The following ACOXL variants were observed in gnomAD, a reference collection of about 807,000 sequenced individuals.
ACOXL encodes the protein acyl-coenzyme A oxidase-like protein.
In ACOXL, 70 loss-of-function variants were observed where a neutral mutation model predicts 71.9. The observed-to-expected ratio is 0.97, with a 90% CI of 0.80 to 1.19. ACOXL has a LOEUF of 1.19. Ranked by LOEUF, ACOXL falls within the 50% of genes most tolerant of loss-of-function variation. ACOXL has a pLI of 0.00. For synonymous variants in ACOXL, 253 were observed against 281.6 expected, an observed-to-expected ratio of 0.90 and a Z score of 1.02; for missense variants, 703 against 736.3, an observed-to-expected ratio of 0.95 and a Z score of 0.52.
At chr2:110,968,686 C>A in intron 12 of ACOXL, 2 of 1,165,422 alleles carry the variant, frequency 1.7e-6, no homozygotes, top group Non-Finnish European at 1.2e-6. Flanking sequence ...AGAAGGCAAG[C>A]TTCCTCAGAG....
intron 1 of ACOXL, among the ~76,000 whole-genome samples, chr2:110,757,396 A>G (rs1411659244): frequency 6.6e-6 from 1 of 152,170 alleles, no homozygotes; most frequent in Non-Finnish European, 1.5e-5. Context: ...AATGATTTAT[A>G]TTCCTTTGGG....
intron 10 of ACOXL, among the ~76,000 whole-genome samples, chr2:110,882,653 T>C (rs1052529243): frequency 2.7e-4 from 41 of 152,286 alleles, no homozygotes; most frequent in African/African-American, 9.6e-4. Context: ...AATTTTTGCA[T>C]ATAGTGTAAG....
chr2:110,821,062 G>A (rs532651014), intron 9 of ACOXL, among the ~76,000 whole-genome samples: 12 of 152,232 alleles, frequency 7.9e-5, no homozygotes, highest in East Asian at 1.9e-4. Context: ...TGGCAAGAAC[G>A]GCTGTTGTAC....
At chr2:111,007,761 T>C (rs2063944504) in intron 14 of ACOXL, among the ~76,000 whole-genome samples, 1 of 152,218 alleles carries the variant, frequency 6.6e-6, no homozygotes, top group African/African-American at 2.4e-5. Flanking sequence ...CTTCTAGGCC[T>C]ACCCAAAGCT....
At chr2:110,801,332 C>G (rs144494097) in intron 7 of ACOXL, among the ~76,000 whole-genome samples, 7 of 152,314 alleles carry the variant, frequency 4.6e-5, no homozygotes, top group African/African-American at 9.6e-5. Flanking sequence ...TAGAACTCTC[C>G]CTTTCTTAAT....
chr2:110,867,416 C>T (rs566693835), intron 10 of ACOXL, among the ~76,000 whole-genome samples: 1 of 152,188 alleles, frequency 6.6e-6, no homozygotes, highest in Non-Finnish European at 1.5e-5. Flanking sequence ...ATTCTGTGCA[C>T]ACTTTGGCAC....
intron 1 of ACOXL, among the ~76,000 whole-genome samples, chr2:110,760,391 G>T (rs149378666): frequency 6.6e-6 from 1 of 152,112 alleles, no homozygotes. Flanking sequence ...TGATCCGCCC[G>T]CCTCAGCCTC....
chr2:110,838,293 T>G (rs965394088), intron 9 of ACOXL, among the ~76,000 whole-genome samples: 1 of 152,122 alleles, frequency 6.6e-6, no homozygotes, highest in African/African-American at 2.4e-5. Context: ...TGCACACGTG[T>G]GAATGTGCAT....
At chr2:111,058,338 A>G (rs1382163246) in intron 16 of ACOXL, among the ~76,000 whole-genome samples, 1 of 152,192 alleles carries the variant, frequency 6.6e-6, no homozygotes, top group African/African-American at 2.4e-5. Context: ...GATCCAGACT[A>G]GCAGACATTA....
intron 12 of ACOXL, among the ~76,000 whole-genome samples, chr2:110,952,198 T>A (rs1396035155): frequency 1.3e-5 from 2 of 152,224 alleles, no homozygotes; most frequent in East Asian, 3.8e-4. Context: ...CTTGAGTCTG[T>A]TTTGCTAATT....
chr2:110,948,595 C>T (rs908316549), intron 12 of ACOXL, among the ~76,000 whole-genome samples: 2 of 150,470 alleles, frequency 1.3e-5, no homozygotes, highest in African/African-American at 4.9e-5. Flanking sequence ...CCTGCTTGTT[C>T]CATGTGGCTT....
At chr2:111,016,938 C>A (rs533943172) in intron 14 of ACOXL, among the ~76,000 whole-genome samples, 23 of 152,088 alleles carry the variant, frequency 1.5e-4, no homozygotes, top group African/African-American at 5.6e-4. Context: ...TGGAGTTGGG[C>A]AAATCAGCCA....
At chr2:110,946,689 A>G (rs1210927430) in intron 12 of ACOXL, among the ~76,000 whole-genome samples, 1 of 152,186 alleles carries the variant, frequency 6.6e-6, no homozygotes, top group Non-Finnish European at 1.5e-5. Flanking sequence ...GAATTTGGGT[A>G]AGTCCTCACT....
At chr2:110,839,549 A>G (rs1001191486) in intron 9 of ACOXL, among the ~76,000 whole-genome samples, 3 of 152,204 alleles carry the variant, frequency 2.0e-5, no homozygotes, top group African/African-American at 7.2e-5. Context: ...CTGATTTTAT[A>G]TATTTCATAC....
At chr2:110,754,097 G>A (rs954028100) in intron 1 of ACOXL, among the ~76,000 whole-genome samples, 18 of 144,578 alleles carry the variant, frequency 1.2e-4, no homozygotes, top group Non-Finnish European at 2.4e-4. Context: ...TTTTGAGATA[G>A]GGTCTCACTC....
intron 9 of ACOXL, among the ~76,000 whole-genome samples, chr2:110,827,702 G>A (rs1689326396): frequency 6.6e-6 from 1 of 152,204 alleles, no homozygotes; most frequent in East Asian, 1.9e-4. Context: ...GAGCAGAGTG[G>A]CTTAGCTGGA....
At position 110,839,136 on chromosome 2, in the gene ACOXL, T is replaced by C. The variant is rs1300066642; in HGVS notation, c.754-2235T>C. ...GTCATGAACAACTTTTTCTGTGTTT[T>C]TTTTTTTTCTTCTTGTCCCTCCCAC... On this transcript the variant is annotated intron_variant, in intron 9 of 17. Transcript: ENST00000439055. Among the ~76,000 whole-genome samples the C allele has an allele frequency of 2.6e-5, 4 of 152,180 alleles. No individual in the cohort carries two copies. In the East Asian group the frequency reaches 7.7e-4, roughly 29 times the overall value.
chr2:111,025,138 T>G (rs1433434189), intron 14 of ACOXL, among the ~76,000 whole-genome samples: 1 of 152,150 alleles, frequency 6.6e-6, no homozygotes, highest in Non-Finnish European at 1.5e-5. Flanking sequence ...TTTCTATAAT[T>G]TAATAGAAAT....
intron 8 of ACOXL, among the ~76,000 whole-genome samples, chr2:110,802,068 A>G (rs955173095): frequency 2.0e-5 from 3 of 152,202 alleles, no homozygotes; most frequent in African/African-American, 7.2e-5. Context: ...TGTAATTCCC[A>G]TTTATCATTA....
Sources: gnomAD v4.1 joint callset for allele counts (sites outside exome capture counted in the v4.1 genomes callset) on GRCh38, gnomAD v4.1.1 for gene constraint, MANE v1.5 for transcripts, NCBI Gene and HGNC (gene_info 2026-07-23, HGNC 2026-07-21) for gene names.